Variants in KAT14 observed in about 807,000 individuals in gnomAD.
The protein encoded by KAT14 is cysteine-rich protein 2-binding protein.
In KAT14, 66 loss-of-function variants were observed where a neutral mutation model predicts 78.4. The ratio of observed to expected loss-of-function variants is 0.84; its 90% CI spans 0.69 to 1.03. The LOEUF is 1.03. Ranked by LOEUF, KAT14 falls within the 50% of genes least tolerant of loss-of-function variation. KAT14 has a pLI of 0.00. For missense variants in KAT14, 870 were observed against 972.5 expected, an observed-to-expected ratio of 0.89 and a Z score of 1.40; for synonymous variants, 344 against 359.4, an observed-to-expected ratio of 0.96 and a Z score of 0.48.
At chr20:18,180,849 G>T (rs2039222581) in intron 7 of KAT14, among the ~76,000 whole-genome samples, 1 of 152,158 alleles carries the variant, frequency 6.6e-6, no homozygotes, top group South Asian at 2.1e-4. Flanking sequence ...CTCCCACCAG[G>T]TCCCTCCCAC....
At chr20:18,138,330 G>A in intron 1 of KAT14, 1 of 1,129,398 alleles carries the variant, frequency 8.9e-7, no homozygotes, top group Non-Finnish European at 1.1e-6. Flanking sequence ...GCCTTGCTCC[G>A]CACAGGCACG....
intron 3 of KAT14, 33 bp from the exon 4 acceptor site, chr20:18,150,788 G>C: frequency 6.2e-7 from 1 of 1,613,606 alleles, no homozygotes. Flanking sequence ...TAACCGTGCT[G>C]TTCTCCCACC....
chr20:18,169,798 G>A (rs2038784074), intron 7 of KAT14, among the ~76,000 whole-genome samples: 1 of 152,224 alleles, frequency 6.6e-6, no homozygotes, highest in South Asian at 2.1e-4. Context: ...GGCCTCTTGT[G>A]CCAAACAATT....
At chr20:18,155,425 C>T (rs953449822) in intron 4 of KAT14, among the ~76,000 whole-genome samples, 4 of 152,144 alleles carry the variant, frequency 2.6e-5, no homozygotes, top group Admixed American at 1.3e-4. Context: ...GAGTGGCTTA[C>T]ACACAGCTTG....
Position 18,162,787 on chromosome 20 carries a change from G to A in KAT14, c.1510G>A (p.Gly504Arg). 1 of 1,614,158 alleles carries A rather than the reference G, an allele frequency of 6.2e-7. No homozygotes were observed. ...TGTCAGACAAGCGAAAAGGGATAGG[G>A]GATTACCACTTTTTGACTTGGATCA... ...LIVRQAKRDRGLPLFDLDQVV... is the reference protein window; with the variant it reads ...LIVRQAKRDRRLPLFDLDQVV... Residue 504 changes from glycine (G) to arginine (R), a missense_variant, in exon 7 of 11, where the codon GGA (glycine) becomes AGA (arginine). Coordinates refer to ENST00000688188, the MANE Select transcript of KAT14 (RefSeq NM_001392073.1).
rs746588449 is a variant in KAT14, at chr20:18,142,778, G to A, written c.118G>A (p.Val40Ile). The A allele has an allele frequency of 8.1e-6, 13 of 1,614,146 alleles. No individual in the cohort carries two copies. The highest frequency in any genetic ancestry group is 1.0e-5 in the Non-Finnish European group (12 of 1,180,038). The change falls in exon 2 of 11, where the codon GTC becomes ATC. Residue 40 changes from valine (V) to isoleucine (I), a missense_variant. Val to Ile is a conservative substitution (Grantham distance 29). Transcript: ENST00000688188. ...AGTGGAGGGAGAGACGCTCCTGATC[G>A]TCGAATCCGAGGATCAGGCATCAGT... ...GEVEGETLLI[V>I]ESEDQASVDL... is the part of the protein sequence containing the mutation.
At chr20:18,167,182 G>A (rs904461884) in intron 7 of KAT14, among the ~76,000 whole-genome samples, 1 of 152,160 alleles carries the variant, frequency 6.6e-6, no homozygotes, top group East Asian at 1.9e-4. Context: ...TTATTTTATT[G>A]TCCCATTTGG....
chr20:18,169,557 G>A (rs1380908912), intron 7 of KAT14, among the ~76,000 whole-genome samples: 2 of 152,166 alleles, frequency 1.3e-5, no homozygotes, highest in African/African-American at 4.8e-5. Flanking sequence ...ATTGGTAAAT[G>A]TGTGTTTTCT....
chr20:18,173,585 C>G (rs6514845), intron 7 of KAT14, among the ~76,000 whole-genome samples: 25,883 of 151,494 alleles, frequency 0.17, 2,389 homozygotes, highest in Middle Eastern at 0.26. Flanking sequence ...TTATCTTTTC[C>G]TCTTCTGCAC....
rs747595310 is a variant in KAT14 at position 18,187,484 on chromosome 20, G to A, written c.*25G>A. 52 of 1,612,862 alleles carry A rather than the reference G, an allele frequency of 3.2e-5. No individual in the cohort carries two copies. The highest frequency in any genetic ancestry group is 1.6e-4 in the Middle Eastern group (1 of 6,084). ...ATGCGAATACAGCTCACAGAGAAAC[G>A]CATGTGCTATTGGAGAACAGGTCTT... On this transcript the variant is annotated 3_prime_UTR_variant, in exon 11 of 11. Transcript: ENST00000688188.
At chr20:18,172,400 AC>A (rs2038877532) in intron 7 of KAT14, among the ~76,000 whole-genome samples, 1 of 134,226 alleles carries the variant, frequency 7.5e-6, no homozygotes. Context: ...ACGCCTGGCC[AC>A]TTTTTTTTTT....
chr20:18,150,964 T>G lies in KAT14; in HGVS notation c.500+22T>G, dbSNP rs761607998. On this transcript the variant is annotated intron_variant, in intron 4 of 10. Transcript: ENST00000688188. ...ATAGGTAATGTGTTTTTAAAAAATC[T>G]TATACTTCAAGGAATATGTAAAGAA... The G allele has an allele frequency of 8.7e-6, 14 of 1,611,174 alleles. No homozygotes were observed. The Admixed American group carries it at 1.5e-4, about 17-fold the overall frequency.
chr20:18,183,059 AAGCTAGGAATAAT>A, intron 8 of KAT14, 51 bp from the exon 9 acceptor site: 1 of 1,539,948 alleles, frequency 6.5e-7, no homozygotes. Context: ...ATGAGTCAAA[AAGCTAGGAATAAT>A]ACCAGGTATT....
chr20:18,170,859 A>G (rs1449964752), intron 7 of KAT14, among the ~76,000 whole-genome samples: 1 of 152,158 alleles, frequency 6.6e-6, no homozygotes, highest in Admixed American at 6.5e-5. Flanking sequence ...TTTTCAAACA[A>G]TTACTGCTCA....
intron 7 of KAT14, among the ~76,000 whole-genome samples, chr20:18,174,813 G>A (rs546623041): frequency 2.0e-5 from 3 of 151,644 alleles, no homozygotes; most frequent in South Asian, 2.1e-4. Flanking sequence ...ACAGGTGCCC[G>A]CCACCACACC....
intron 8 of KAT14, among the ~76,000 whole-genome samples, chr20:18,182,523 A>G (rs1351782469): frequency 1.3e-5 from 2 of 152,240 alleles, no homozygotes. Flanking sequence ...GACTGGATGT[A>G]TATGAAGCAG....
At chr20:18,158,156 G>A (rs934919304) in intron 4 of KAT14, among the ~76,000 whole-genome samples, 4 of 152,146 alleles carry the variant, frequency 2.6e-5, no homozygotes, top group African/African-American at 9.7e-5. Flanking sequence ...AACTGGTCTC[G>A]AACTCCTGAC....
intron 7 of KAT14, among the ~76,000 whole-genome samples, chr20:18,170,060 T>C (rs1333015644): frequency 6.6e-6 from 1 of 152,234 alleles, no homozygotes; most frequent in Non-Finnish European, 1.5e-5. Flanking sequence ...TTGGAAGCTA[T>C]CAGAGGTTGG....
intron 4 of KAT14, among the ~76,000 whole-genome samples, chr20:18,152,712 A>G (rs983997574): frequency 6.6e-6 from 1 of 152,244 alleles, no homozygotes; most frequent in Non-Finnish European, 1.5e-5. Flanking sequence ...TTGTATTACT[A>G]GTATTTGTTT....
Sources: allele counts gnomAD v4.1 joint callset (sites outside exome capture counted in the v4.1 genomes callset), GRCh38; gene constraint gnomAD v4.1.1; transcripts MANE v1.5; gene names NCBI Gene and HGNC (gene_info 2026-07-23, HGNC 2026-07-21).